Variants in CNTNAP2 observed in about 807,000 individuals in gnomAD.
CNTNAP2 encodes the protein contactin-associated protein-like 2.
A neutral mutation model predicts 155.2 loss-of-function variants in CNTNAP2; 98 were observed. That is an observed-to-expected ratio of 0.63 (90% confidence interval 0.54 to 0.75). The LOEUF (loss-of-function observed/expected upper bound fraction) is 0.75, where lower values mean the gene tolerates loss of function less well. Among genes scored for constraint, CNTNAP2 ranks in the 30% least tolerant of loss-of-function variants. The pLI is 0.00. For missense variants in CNTNAP2, 1,727 were observed against 1,688.1 expected (o/e 1.02, Z -0.40); for synonymous variants, 651 against 631.2 (o/e 1.03, Z -0.47).
intron 8 of CNTNAP2, among the ~76,000 whole-genome samples, chr7:147,220,121 A>G (rs1332114809): frequency 1.3e-5 from 2 of 151,918 alleles, no homozygotes; most frequent in Admixed American, 1.3e-4. Context: ...CCTGCCTCTC[A>G]ACACTATTGC....
At chr7:147,461,689 GT>G (rs1462981932) in intron 10 of CNTNAP2, among the ~76,000 whole-genome samples, 6 of 151,216 alleles carry the variant, frequency 4.0e-5, no homozygotes, top group African/African-American at 1.5e-4. Flanking sequence ...GACTTACCAT[GT>G]TTTTTGTTTG....
chr7:146,152,718 G>A (rs964219354), intron 1 of CNTNAP2, among the ~76,000 whole-genome samples: 5 of 152,010 alleles, frequency 3.3e-5, no homozygotes, highest in Non-Finnish European at 7.4e-5. Context: ...GTCACCACAT[G>A]GACAATATAA....
At position 146,988,959 on chromosome 7, in the gene CNTNAP2, C is replaced by T. The variant is rs141809037; in HGVS notation, c.403-54948C>T. 2.6e-3 allele frequency among the ~76,000 whole-genome samples: 402 copies of T among 152,256 alleles called. 2 individuals are homozygous for T. The highest frequency in any genetic ancestry group is 9.3e-3 in the African/African-American group (387 of 41,556). ...ACATTTCTACTTTGTACTGCACAATCGCCTCACTGTTAACATTCTGAAATC... is the reference window on the plus strand; with the variant it reads ...ACATTTCTACTTTGTACTGCACAATTGCCTCACTGTTAACATTCTGAAATC... On this transcript the variant is annotated intron_variant, in intron 3 of 23. Transcript: ENST00000361727.
chr7:146,229,590 A>G (rs1027964310), intron 1 of CNTNAP2, among the ~76,000 whole-genome samples: 4 of 151,964 alleles, frequency 2.6e-5, no homozygotes, highest in Non-Finnish European at 4.4e-5. Flanking sequence ...ATGCATTGTT[A>G]CATTAATTTT....
At chr7:147,731,700 A>T (rs952241267) in intron 13 of CNTNAP2, among the ~76,000 whole-genome samples, 1 of 152,148 alleles carries the variant, frequency 6.6e-6, no homozygotes, top group African/African-American at 2.4e-5. Flanking sequence ...AGAGCTGCCA[A>T]ACAGAGTGAT....
intron 20 of CNTNAP2, among the ~76,000 whole-genome samples, chr7:148,252,375 A>G (rs1796378655): frequency 6.6e-6 from 1 of 152,060 alleles, no homozygotes; most frequent in Non-Finnish European, 1.5e-5. Flanking sequence ...TTGAGCCACA[A>G]TTTTCACCAA....
intron 1 of CNTNAP2, among the ~76,000 whole-genome samples, chr7:146,132,801 C>T (rs202022161): frequency 6.7e-6 from 1 of 150,076 alleles, no homozygotes; most frequent in East Asian, 2.0e-4. Context: ...TTTTCTTAAT[C>T]CAGTCTATCG....
In CNTNAP2 at chr7:146,441,590, T is replaced by C. The variant is rs141542621; in HGVS notation, c.97+324617T>C. Among the ~76,000 whole-genome samples, 5 of 151,630 alleles carry C rather than the reference T, an allele frequency of 3.3e-5. No individual in the cohort carries two copies. The East Asian group carries it at 9.7e-4, about 29-fold the overall frequency. On this transcript the variant is annotated intron_variant, in intron 1 of 23. Transcript: ENST00000361727. Reference sequence around the variant, plus strand: ...TGAGTTCATTGGCCTAAACCTGGCATGCATTTCCTCTTGCTGATGCTCTGG... The same window carrying C: ...TGAGTTCATTGGCCTAAACCTGGCACGCATTTCCTCTTGCTGATGCTCTGG...
At chr7:146,714,323 C>G (rs2129175867) in intron 1 of CNTNAP2, among the ~76,000 whole-genome samples, 1 of 152,320 alleles carries the variant, frequency 6.6e-6, no homozygotes. Flanking sequence ...TACCATGTGC[C>G]TGGAACAGCT....
intron 1 of CNTNAP2, among the ~76,000 whole-genome samples, chr7:146,349,256 G>C (rs1318384977): frequency 7.0e-6 from 1 of 142,726 alleles, no homozygotes; most frequent in Non-Finnish European, 1.5e-5. Flanking sequence ...TGGGGAACGA[G>C]GTCATACATA....
At chr7:146,731,650 A>G (rs1005347118) in intron 1 of CNTNAP2, among the ~76,000 whole-genome samples, 13 of 152,122 alleles carry the variant, frequency 8.5e-5, no homozygotes, top group Non-Finnish European at 1.5e-4. Flanking sequence ...TGAGGAATAC[A>G]TTAAAATCTT....
chr7:147,942,255 A>T (rs1489663191), intron 14 of CNTNAP2, among the ~76,000 whole-genome samples: 1 of 152,164 alleles, frequency 6.6e-6, no homozygotes, highest in Non-Finnish European at 1.5e-5. Context: ...TCCTAGGCTA[A>T]CTGAATCAGC....
intron 8 of CNTNAP2, among the ~76,000 whole-genome samples, chr7:147,266,836 C>T (rs1257507838): frequency 6.6e-6 from 1 of 152,066 alleles, no homozygotes; most frequent in Admixed American, 6.6e-5. Flanking sequence ...TTATCTGTTT[C>T]TTAGCATGTT....
chr7:148,278,249 T>C (rs1328384160), intron 21 of CNTNAP2, among the ~76,000 whole-genome samples: 1 of 151,992 alleles, frequency 6.6e-6, no homozygotes, highest in Non-Finnish European at 1.5e-5. Flanking sequence ...GCAGGAGAAC[T>C]CTGTGACCTC....
chr7:146,834,687 C>T (rs146859554), intron 2 of CNTNAP2, among the ~76,000 whole-genome samples: 215 of 152,296 alleles, frequency 1.4e-3, no homozygotes, highest in African/African-American at 4.9e-3. Flanking sequence ...TATCTCTAGG[C>T]AAGTGTTCTT....
intron 1 of CNTNAP2, among the ~76,000 whole-genome samples, chr7:146,545,185 C>A (rs768415025): frequency 6.6e-6 from 1 of 151,766 alleles, no homozygotes; most frequent in Non-Finnish European, 1.5e-5. Context: ...TTAGCCCTTG[C>A]ATTTTATTCA....
At chr7:147,632,749 A>C (rs1017408466) in intron 12 of CNTNAP2, among the ~76,000 whole-genome samples, 2 of 152,194 alleles carry the variant, frequency 1.3e-5, no homozygotes, top group African/African-American at 4.8e-5. Context: ...AACAGTTTGG[A>C]GGGCTCAGAA....
chr7:146,392,017 T>G (rs1417328966), intron 1 of CNTNAP2, among the ~76,000 whole-genome samples: 3 of 152,144 alleles, frequency 2.0e-5, no homozygotes, highest in Non-Finnish European at 4.4e-5. Flanking sequence ...TTCATACCAA[T>G]TTAATTGCTT....
chr7:146,633,832 G>GAAAAAAAAAAAAAAAA lies in CNTNAP2; in HGVS notation c.98-140430_98-140415dup, dbSNP rs60993956. Among the ~76,000 whole-genome samples the GAAAAAAAAAAAAAAAA allele has an allele frequency of 9.1e-4, 72 of 79,030 alleles. 1 individual carries two copies. Among genetic ancestry groups the GAAAAAAAAAAAAAAAA allele is most frequent in the Non-Finnish European group, 1.2e-3 (53 of 44,738 alleles). The allele number at this position is 79,030 out of a possible 152,430, so 51.8% of individuals were successfully genotyped here. A position where few individuals can be genotyped will look rare whatever the true frequency, so the allele number is the denominator to read the frequency against. On this transcript the variant is annotated intron_variant, in intron 1 of 23. Transcript: ENST00000361727. ...GCAACAGAGCGAGACTGCATCTAGAGAAAAAAAAAAAAAAAAAAAAAAAAC... is the reference window on the plus strand; with the variant it reads ...GCAACAGAGCGAGACTGCATCTAGAGAAAAAAAAAAAAAAAAAAAAAAAAAAAAAAAAAAAAAAAAC...
Sources: gnomAD v4.1 joint callset for allele counts (sites outside exome capture counted in the v4.1 genomes callset) on GRCh38, gnomAD v4.1.1 for gene constraint, MANE v1.5 for transcripts, NCBI Gene and HGNC (gene_info 2026-07-23, HGNC 2026-07-21) for gene names.